The following ATRNL1 variants were observed in gnomAD, a reference collection of about 807,000 sequenced individuals.
The protein encoded by ATRNL1 is attractin-like protein 1.
Under a neutral mutation model 182.7 loss-of-function variants are expected in ATRNL1, and 95 were observed. That is an observed-to-expected ratio of 0.52 (90% CI 0.44 to 0.62). ATRNL1 has a LOEUF of 0.62. Among genes scored for constraint, ATRNL1 ranks in the 20% least tolerant of loss-of-function variants. ATRNL1 has a pLI of 0.00. For synonymous variants in ATRNL1, 576 were observed against 568.3 expected (o/e 1.01, Z -0.19); for missense variants, 1,471 against 1,679.5 (o/e 0.88, Z 2.17).
At chr10:115,774,124 T>A (rs1253698409) in intron 27 of ATRNL1, among the ~76,000 whole-genome samples, 2 of 151,960 alleles carry the variant, frequency 1.3e-5, no homozygotes, top group African/African-American at 4.8e-5. Context: ...GCCCCAGGTG[T>A]GGAGTTAGGA....
At position 115,697,536 on chromosome 10, in the gene ATRNL1, G is replaced by T. The variant is rs969322652; in HGVS notation, c.3796-29712G>T. Among the ~76,000 whole-genome samples, 4 of 152,156 alleles carry T rather than the reference G, an allele frequency of 2.6e-5. No homozygotes were observed. The East Asian group carries it at 7.8e-4, about 29-fold the overall frequency. ...AGACAAGTTTTCACCATGTTGCCCA[G>T]GCTGGTCTGAAACTCCTGAGCTCAA... On this transcript the variant is annotated intron_variant, in intron 26 of 28. Transcript: ENST00000355044.
chr10:115,315,809 TA>T, intron 18 of ATRNL1, 73 bp downstream of exon 18: 1 of 1,283,066 alleles, frequency 7.8e-7, no homozygotes, highest in Non-Finnish European at 1.1e-6. Context: ...GTTCTTATAA[TA>T]AAGAAAATTT....
At chr10:115,127,477 C>A in intron 3 of ATRNL1, 116 bp from the exon 4 acceptor site, 1 of 752,132 alleles carries the variant, frequency 1.3e-6, no homozygotes, top group South Asian at 2.5e-5. Flanking sequence ...TTTTAGTTGC[C>A]CATTCTGACG....
chr10:115,670,453 T>G (rs1945660117), intron 26 of ATRNL1, among the ~76,000 whole-genome samples: 1 of 152,138 alleles, frequency 6.6e-6, no homozygotes, highest in Non-Finnish European at 1.5e-5. Flanking sequence ...TTTAAGTTTA[T>G]ATATAATGTA....
intron 22 of ATRNL1, among the ~76,000 whole-genome samples, chr10:115,462,493 T>C (rs1293744573): frequency 6.6e-6 from 1 of 151,938 alleles, no homozygotes; most frequent in Non-Finnish European, 1.5e-5. Context: ...GCGCCTATAG[T>C]CCCAGCTACT....
At chr10:115,377,354 C>G (rs1857732859) in intron 19 of ATRNL1, among the ~76,000 whole-genome samples, 1 of 152,108 alleles carries the variant, frequency 6.6e-6, no homozygotes, top group Admixed American at 6.5e-5. Context: ...AAGTGCCATT[C>G]ACCTTCCACC....
intron 27 of ATRNL1, among the ~76,000 whole-genome samples, chr10:115,816,856 T>C (rs1259651455): frequency 6.6e-6 from 1 of 152,168 alleles, no homozygotes; most frequent in Non-Finnish European, 1.5e-5. Flanking sequence ...TGAAATATTT[T>C]AGCAACAGTT....
intron 21 of ATRNL1, among the ~76,000 whole-genome samples, chr10:115,456,636 TA>T (rs1345713034): frequency 2.0e-5 from 3 of 152,066 alleles, no homozygotes; most frequent in Non-Finnish European, 4.4e-5. Context: ...AGTATAATAA[TA>T]AAAAAATAAA....
At chr10:115,363,866 C>G (rs1215058946) in intron 19 of ATRNL1, among the ~76,000 whole-genome samples, 1 of 148,018 alleles carries the variant, frequency 6.8e-6, no homozygotes, top group Non-Finnish European at 1.5e-5. Context: ...CTGTTCTGTT[C>G]CATTGATCTA....
Position 115,868,822 on chromosome 10 carries a change from C to CTTTTTTTTTTTTTTTTTTTTTTTTT in ATRNL1, c.4018+20832_4018+20856dup, listed in dbSNP as rs67676674. ...ATATATCTGGTGGCAAGTCTTTATTCTTTTTTTTTTTTTTTTTTTTTTTTT... is the reference window on the plus strand; with the variant it reads ...ATATATCTGGTGGCAAGTCTTTATTCTTTTTTTTTTTTTTTTTTTTTTTTTTTTTTTTTTTTTTTTTTTTTTTTTT... On this transcript the variant is annotated intron_variant, in intron 28 of 28. Coordinates refer to ENST00000355044, the MANE Select transcript of ATRNL1 (RefSeq NM_207303.4). Among the ~76,000 whole-genome samples the CTTTTTTTTTTTTTTTTTTTTTTTTT allele has an allele frequency of 2.1e-4, 12 of 58,092 alleles. 3 individuals are homozygous for CTTTTTTTTTTTTTTTTTTTTTTTTT. Among genetic ancestry groups the CTTTTTTTTTTTTTTTTTTTTTTTTT allele is most frequent in the Non-Finnish European group, 3.8e-4 (12 of 31,534 alleles). The allele number at this position is 58,092 out of a possible 152,430, so 38.1% of individuals were successfully genotyped here.
intron 1 of ATRNL1, among the ~76,000 whole-genome samples, chr10:115,104,876 T>A (rs1406634264): frequency 6.6e-6 from 1 of 151,936 alleles, no homozygotes; most frequent in Admixed American, 6.6e-5. Context: ...TATTCTGGGT[T>A]CCCTATTCTG....
chr10:115,254,480 GTTGT>G (rs1325136332), intron 10 of ATRNL1, among the ~76,000 whole-genome samples: 2 of 152,124 alleles, frequency 1.3e-5, no homozygotes, highest in Non-Finnish European at 2.9e-5. Context: ...TTTTGATGGG[GTTGT>G]TTGTTTTTTT....
In ATRNL1 at chr10:115,596,542, A is replaced by G. The variant is rs548274644; in HGVS notation, c.3795+47006A>G. ...AAGAAGTTAAAGTAGTCACAAATGG[A>G]AAGGAAGATCTTTGTGCTTTTATCT... On this transcript the variant is annotated intron_variant, in intron 26 of 28. Transcript: ENST00000355044. Among the ~76,000 whole-genome samples, 7 of 152,366 alleles carry G rather than the reference A, an allele frequency of 4.6e-5. No individual in the cohort carries two copies. The South Asian group carries it at 6.2e-4, about 14-fold the overall frequency.
At chr10:115,606,996 T>C (rs1447218528) in intron 26 of ATRNL1, among the ~76,000 whole-genome samples, 1 of 151,972 alleles carries the variant, frequency 6.6e-6, no homozygotes, top group Non-Finnish European at 1.5e-5. Flanking sequence ...CATTGTCTTC[T>C]TGCACTGCTA....
At chr10:115,148,038 G>A (rs1248549135) in intron 5 of ATRNL1, among the ~76,000 whole-genome samples, 1 of 151,942 alleles carries the variant, frequency 6.6e-6, no homozygotes, top group Non-Finnish European at 1.5e-5. Context: ...GATTGCTTTG[G>A]GTAGTATGGT....
chr10:115,613,184 G>C (rs1168865132), intron 26 of ATRNL1, among the ~76,000 whole-genome samples: 1 of 152,126 alleles, frequency 6.6e-6, no homozygotes, highest in Non-Finnish European at 1.5e-5. Flanking sequence ...AACAAAACCG[G>C]ACCAGTATTA....
intron 25 of ATRNL1, among the ~76,000 whole-genome samples, chr10:115,524,525 G>T (rs1383306972): frequency 6.6e-6 from 1 of 152,180 alleles, no homozygotes; most frequent in East Asian, 1.9e-4. Flanking sequence ...CTATCCCTGT[G>T]TTAGACTTTT....
chr10:115,211,762 C>T (rs13376959), intron 8 of ATRNL1, among the ~76,000 whole-genome samples: 1 of 137,772 alleles, frequency 7.3e-6, no homozygotes, highest in Non-Finnish European at 1.6e-5. Flanking sequence ...TCCCTCCCCC[C>T]TCCCCTCACC....
chr10:115,549,344 C>A, intron 25 of ATRNL1, 114 bp from the exon 26 acceptor site: 2 of 569,928 alleles, frequency 3.5e-6, no homozygotes, highest in Non-Finnish European at 2.7e-6. Context: ...TGATTGTTTA[C>A]CTAGACAAAG....
Sources: gnomAD v4.1 joint callset for allele counts (sites outside exome capture counted in the v4.1 genomes callset) on GRCh38, gnomAD v4.1.1 for gene constraint, MANE v1.5 for transcripts, NCBI Gene and HGNC (gene_info 2026-07-23, HGNC 2026-07-21) for gene names.